The following KDM4A variants were observed in gnomAD, a reference collection of about 807,000 sequenced individuals.
The protein encoded by KDM4A is lysine-specific demethylase 4A.
In KDM4A, 23 loss-of-function variants were observed where a neutral mutation model predicts 127.1. The observed-to-expected ratio is 0.18, with a 90% CI of 0.13 to 0.26. The LOEUF is 0.26. Ranked by LOEUF, KDM4A falls within the 10% of genes least tolerant of loss-of-function variation. KDM4A has a pLI of 1.00. For missense variants in KDM4A, 890 were observed against 1,329.1 expected (o/e 0.67, Z 5.14); for synonymous variants, 443 against 466.5 (o/e 0.95, Z 0.65).
intron 19 of KDM4A, 190 bp from the exon 20 acceptor site, chr1:43,703,427 G>C (rs1394688826): frequency 3.7e-6 from 2 of 534,002 alleles, no homozygotes; most frequent in Non-Finnish European, 6.4e-6. Flanking sequence ...CTAGAAGCAG[G>C]AGAGGGCAGA....
chr1:43,686,160 T>TG (rs1557915872), intron 12 of KDM4A, among the ~76,000 whole-genome samples: 2 of 143,366 alleles, frequency 1.4e-5, no homozygotes, highest in Non-Finnish European at 3.0e-5. Context: ...TGTTTTTTTT[T>TG]TTTTTTTTTT....
chr1:43,693,939 A>C lies in KDM4A; in HGVS notation c.2376-55A>C. 1 of 1,459,920 alleles carries C rather than the reference A, an allele frequency of 6.8e-7. No homozygotes were observed. The highest frequency in any genetic ancestry group is 2.3e-5 in the East Asian group (1 of 44,150). 90.4% of individuals were successfully genotyped at this position (1,459,920 alleles called of 1,614,324 possible). ...GCGCTGTCAGCAGGCCCAAAAGAGA[A>C]GGCCACAGAGCCTTGGGCCCAGAGG... On this transcript the variant is annotated intron_variant, in intron 16 of 21. Coordinates refer to ENST00000372396, the MANE Select transcript of KDM4A (RefSeq NM_014663.3). This position sits in a 1 kb window ranked among gnomAD's most constrained non-coding sequence, Gnocchi z 4.2.
chr1:43,660,301 C>A lies in KDM4A; in HGVS notation c.318C>A (p.Tyr106Ter). 6.2e-7 allele frequency: 1 copy of A among 1,613,842 alleles called. No individual in the cohort carries two copies. The highest frequency in any genetic ancestry group is 8.5e-7 in the Non-Finnish European group (1 of 1,179,922). ...EFRKIANSDKYCTPRYSEFEE... is the reference protein window; with the variant it reads ...EFRKIANSDK ...GTTTCTTTTTACTTTCAAAAAGGTA[C>A]TGTACCCCACGCTATAGTGAGTTTG... The change falls in exon 4 of 22, where the codon TAC becomes TAA. Residue 106 changes from tyrosine to a stop codon, truncating the protein, a stop_gained. Transcript: ENST00000372396. LOFTEE classifies it high-confidence loss of function.
At chr1:43,663,882 C>CT (rs1259380394) in intron 5 of KDM4A, among the ~76,000 whole-genome samples, 1 of 152,154 alleles carries the variant, frequency 6.6e-6, no homozygotes, top group Non-Finnish European at 1.5e-5. Context: ...AGTCCTCCTA[C>CT]TTCAGCCTTG....
At chr1:43,652,193 G>A (rs1660128548) in intron 1 of KDM4A, among the ~76,000 whole-genome samples, 1 of 151,830 alleles carries the variant, frequency 6.6e-6, no homozygotes, top group Non-Finnish European at 1.5e-5. Context: ...AGCCATGGGT[G>A]GCTTTCAAGT....
chr1:43,703,796 G>A, intron 20 of KDM4A, 60 bp downstream of exon 20: 2 of 1,605,508 alleles, frequency 1.2e-6, no homozygotes, highest in South Asian at 2.2e-5. Flanking sequence ...TGTGCTTCCT[G>A]TTGGGCCAGA....
At chr1:43,669,402 C>G in intron 10 of KDM4A, 103 bp downstream of exon 10, 1 of 1,162,752 alleles carries the variant, frequency 8.6e-7, no homozygotes, top group Middle Eastern at 2.0e-4. Context: ...GGCAGAGTGA[C>G]AGGTCCGTGA....
chr1:43,700,220 C>T (rs1175409964), intron 19 of KDM4A, among the ~76,000 whole-genome samples: 1 of 151,984 alleles, frequency 6.6e-6, no homozygotes, highest in African/African-American at 2.4e-5. Context: ...CTCCACATAC[C>T]AGGCTCAAGT....
intron 11 of KDM4A, among the ~76,000 whole-genome samples, chr1:43,678,647 G>C (rs1660792001): frequency 6.6e-6 from 1 of 151,328 alleles, no homozygotes; most frequent in Non-Finnish European, 1.5e-5. Flanking sequence ...GAGTGCAGTG[G>C]TGCGATCTCA....
intron 18 of KDM4A, among the ~76,000 whole-genome samples, chr1:43,695,998 G>C (rs1318972655): frequency 6.6e-6 from 1 of 152,198 alleles, no homozygotes; most frequent in Non-Finnish European, 1.5e-5. Context: ...TGAGAAAGAG[G>C]AAAGTAAATG....
chr1:43,669,672 G>A (rs1255350638), intron 10 of KDM4A, among the ~76,000 whole-genome samples: 1 of 148,508 alleles, frequency 6.7e-6, no homozygotes, highest in Non-Finnish European at 1.5e-5. Context: ...TTTTTGAAAT[G>A]GAGTCTTGCT....
rs1365520832 is a variant in KDM4A at position 43,697,844 on chromosome 1, G to A, written c.2672G>A (p.Arg891His). Residue 891 changes from arginine to histidine, a missense_variant and splice_region_variant, in exon 19 of 22, where the codon CGT (arginine) becomes CAT (histidine). Arg to His is a conservative substitution (Grantham distance 29). Around this residue, in one of 7 missense-constraint regions of KDM4A, gnomAD observed 246 missense variants for 418.4 expected, o/e 0.59. Transcript: ENST00000372396. ...ACCAAAGCCTCTGTTTTTTTCCAGC[G>A]TGCCAAGGGGGCCTTGCAAAGCATC... ...CFRHKIPNLE[R>H]AKGALQSITA... The A allele has an allele frequency of 1.1e-5, 18 of 1,603,938 alleles. No individual in the cohort carries two copies. Among genetic ancestry groups the A allele is most frequent in the Non-Finnish European group, 1.4e-5 (17 of 1,176,612 alleles).
intron 13 of KDM4A, 38 bp from the exon 14 acceptor site, chr1:43,690,807 C>T (rs559574628): frequency 7.0e-6 from 11 of 1,576,738 alleles, no homozygotes; most frequent in Admixed American, 1.7e-5. Flanking sequence ...AGCATAGGCA[C>T]GTGCTCACTG....
At chr1:43,683,974 C>T (rs113423872) in intron 12 of KDM4A, among the ~76,000 whole-genome samples, 170 bp downstream of exon 12, 1 of 152,204 alleles carries the variant, frequency 6.6e-6, no homozygotes, top group Non-Finnish European at 1.5e-5. Flanking sequence ...AATTGACTAA[C>T]CAGATTCCAT....
At chr1:43,690,457 A>G (rs938126369) in intron 13 of KDM4A, 2 of 304,718 alleles carry the variant, frequency 6.6e-6, no homozygotes, top group Non-Finnish European at 1.3e-5. Flanking sequence ...CATGTTGGCT[A>G]GGCTGGTCTT....
At position 43,694,684 on chromosome 1, in the gene KDM4A, C is replaced by T; in HGVS notation, c.2485-25C>T. 6.3e-7 allele frequency: 1 copy of T among 1,587,036 alleles called. No individual in the cohort carries two copies. Among genetic ancestry groups the T allele is most frequent in the Non-Finnish European group, 8.6e-7 (1 of 1,158,398 alleles). ...GCTGCAGTGCCAGTTCCTGCAATCA[C>T]TGGTTTTCTTCCCCTGTGCTACAGA... On this transcript the variant is annotated intron_variant, in intron 17 of 21. Transcript: ENST00000372396. The surrounding 1 kb of genome is among the most constrained non-coding windows in gnomAD (Gnocchi z 5.2).
chr1:43,667,969 G>A lies in KDM4A; in HGVS notation c.1113G>A (p.Glu371=), dbSNP rs761612477. ...PRAGNEEECP[E]EDMEGVEDGE... is the part of the protein sequence containing the mutation. The stretch of plus-strand genomic sequence containing the variant: ...CTGGCAACGAGGAGGAGTGCCCAGA[G>A]GAGGACATGGAAGGGGTGGAGGATG... Residue 371 remains glutamate (E), a synonymous_variant, in exon 9 of 22, where the codon GAG becomes GAA. Coordinates refer to ENST00000372396, the MANE Select transcript of KDM4A (RefSeq NM_014663.3). The A allele has an allele frequency of 4.3e-6, 7 of 1,614,050 alleles. No individual in the cohort carries two copies. In the East Asian group the frequency reaches 1.3e-4, roughly 31 times the overall value.
In KDM4A at chr1:43,704,978, T is replaced by C. The variant is rs1661516628; in HGVS notation, c.*608T>C. On this transcript the variant is annotated 3_prime_UTR_variant, in exon 22 of 22. Transcript: ENST00000372396. ...CAGGCCTGGAACCGTCTCAAGACAG[T>C]GCTGGCAAAGCTGCAGTATTGAGAT... 1 of 153,254 alleles carries C rather than the reference T, an allele frequency of 6.5e-6. No individual in the cohort carries two copies. The highest frequency in any genetic ancestry group is 2.4e-5 in the African/African-American group (1 of 41,458). 9.5% of individuals were successfully genotyped at this position (153,254 alleles called of 1,614,324 possible).
chr1:43,692,642 C>T (rs969143634), intron 16 of KDM4A, among the ~76,000 whole-genome samples: 14 of 152,186 alleles, frequency 9.2e-5, no homozygotes, highest in African/African-American at 3.1e-4. Flanking sequence ...TTCACCTTGT[C>T]ACAGCTGGGG....
Sources: gnomAD v4.1 joint callset for allele counts (sites outside exome capture counted in the v4.1 genomes callset) on GRCh38, gnomAD v4.1.1 for gene constraint, gnomAD v4.1.1 regional missense constraint, Gnocchi (gnomAD v3.1) non-coding constraint, MANE v1.5 for transcripts, NCBI Gene and HGNC (gene_info 2026-07-23, HGNC 2026-07-21) for gene names.